MAP4: variants seen among roughly 807,000 people sequenced by gnomAD.
MAP4 encodes microtubule associated protein 4.
A neutral mutation model predicts 170.2 loss-of-function variants in MAP4; 76 were observed. The ratio of observed to expected loss-of-function variants is 0.45; its 90% CI spans 0.37 to 0.54. The LOEUF (loss-of-function observed/expected upper bound fraction) is 0.54. Among genes scored for constraint, MAP4 ranks in the 20% least tolerant of loss-of-function variants. The pLI, the probability that MAP4 is intolerant of heterozygous loss-of-function variation, is 0.00. For synonymous variants in MAP4, 909 were observed against 994.5 expected, an observed-to-expected ratio of 0.91 and a Z score of 1.62; for missense variants, 2,506 against 2,748.0, an observed-to-expected ratio of 0.91 and a Z score of 1.97.
chr3:47,940,963 T>C (rs1315304094), intron 3 of MAP4, among the ~76,000 whole-genome samples: 1 of 151,912 alleles, frequency 6.6e-6, no homozygotes, highest in Non-Finnish European at 1.5e-5. Context: ...CTGTAACCTC[T>C]ACCTCCCGGG....
chr3:47,892,967 C>A (rs949526504), intron 10 of MAP4: 2 of 776,310 alleles, frequency 2.6e-6, no homozygotes, highest in Non-Finnish European at 3.1e-6. Context: ...GACTCATTTG[C>A]CAATCCCCAG....
intron 9 of MAP4, among the ~76,000 whole-genome samples, chr3:47,907,456 T>C (rs1043813148): frequency 6.6e-6 from 1 of 152,124 alleles, no homozygotes; most frequent in Non-Finnish European, 1.5e-5. Context: ...ACATTGTCCT[T>C]AGGGGAAAGG....
At chr3:47,977,356 C>A (rs1218874230) in intron 3 of MAP4, among the ~76,000 whole-genome samples, 1 of 152,036 alleles carries the variant, frequency 6.6e-6, no homozygotes, top group Non-Finnish European at 1.5e-5. Flanking sequence ...ATATCAAAAC[C>A]CTAGTAAAGA....
chr3:48,041,698 G>A (rs1045214670), intron 1 of MAP4, among the ~76,000 whole-genome samples: 2 of 152,090 alleles, frequency 1.3e-5, no homozygotes, highest in South Asian at 2.1e-4. Context: ...GATGCGGTGC[G>A]ACCCTGTGTC....
chr3:47,955,838 C>T (rs908419670), intron 3 of MAP4, among the ~76,000 whole-genome samples: 2 of 152,090 alleles, frequency 1.3e-5, no homozygotes, highest in African/African-American at 4.8e-5. Flanking sequence ...AGCTGCTCTG[C>T]CATTTGGGCC....
chr3:47,897,368 C>G (rs1000585475), intron 10 of MAP4, among the ~76,000 whole-genome samples: 1 of 152,148 alleles, frequency 6.6e-6, no homozygotes, highest in African/African-American at 2.4e-5. Context: ...CTCAGGTGAT[C>G]TGCCCAACTC....
intron 10 of MAP4, among the ~76,000 whole-genome samples, chr3:47,887,509 C>T (rs2097796673): frequency 1.3e-5 from 2 of 152,228 alleles, no homozygotes; most frequent in Admixed American, 6.5e-5. Context: ...GGCTCCTGTG[C>T]CGCCCGAGCC....
chr3:47,915,047 A>G, intron 7 of MAP4, 108 bp from the exon 8 acceptor site: 2 of 1,337,402 alleles, frequency 1.5e-6, no homozygotes, highest in Non-Finnish European at 2.1e-6. Context: ...GTTCTCCTAC[A>G]AGGGGCAGCA....
At chr3:48,000,535 G>C (rs2100098567) in intron 1 of MAP4, among the ~76,000 whole-genome samples, 1 of 152,136 alleles carries the variant, frequency 6.6e-6, no homozygotes, top group Admixed American at 6.5e-5. Context: ...GACATGACTA[G>C]AGTTGGGTCA....
intron 10 of MAP4, among the ~76,000 whole-genome samples, chr3:47,889,503 G>A (rs2098216869): frequency 6.6e-6 from 1 of 152,216 alleles, no homozygotes; most frequent in African/African-American, 2.4e-5. Context: ...CAAATGGTAG[G>A]CATGTTAAAT....
chr3:47,947,126 T>C (rs575551287), intron 3 of MAP4, among the ~76,000 whole-genome samples: 16 of 152,354 alleles, frequency 1.1e-4, no homozygotes, highest in African/African-American at 3.4e-4. Flanking sequence ...ATCCTCCTTA[T>C]AGAAGATTAT....
At chr3:47,975,689 C>T (rs981569787) in intron 3 of MAP4, among the ~76,000 whole-genome samples, 2 of 152,028 alleles carry the variant, frequency 1.3e-5, no homozygotes, top group African/African-American at 4.8e-5. Flanking sequence ...GTAGTGATGG[C>T]CAAATTAGAA....
chr3:48,047,183 T>G (rs1329644894), intron 1 of MAP4, among the ~76,000 whole-genome samples: 1 of 152,088 alleles, frequency 6.6e-6, no homozygotes, highest in Admixed American at 6.6e-5. Context: ...TGGCAAGTGT[T>G]CAGTAAATTA....
chr3:47,886,805 C>T (rs938199763), intron 10 of MAP4, among the ~76,000 whole-genome samples: 1 of 152,246 alleles, frequency 6.6e-6, no homozygotes, highest in Non-Finnish European at 1.5e-5. Flanking sequence ...CTTCCAAATT[C>T]CAGTTTCACT....
chr3:47,929,032 T>C (rs757093958), intron 3 of MAP4, among the ~76,000 whole-genome samples: 1 of 152,186 alleles, frequency 6.6e-6, no homozygotes, highest in Non-Finnish European at 1.5e-5. Context: ...AGGGCTTACA[T>C]AACCTGATTT....
chr3:47,954,149 C>A (rs2100066311), intron 3 of MAP4, among the ~76,000 whole-genome samples: 1 of 152,146 alleles, frequency 6.6e-6, no homozygotes, highest in Non-Finnish European at 1.5e-5. Flanking sequence ...GGTTGGCAAA[C>A]TTTATTTATA....
intron 3 of MAP4, among the ~76,000 whole-genome samples, chr3:47,940,122 G>C (rs953728131): frequency 6.6e-6 from 1 of 152,202 alleles, no homozygotes; most frequent in East Asian, 1.9e-4. Context: ...ATAGGTGTGA[G>C]CCACCACACC....
At chr3:47,857,377 C>T (rs2058261069) in intron 18 of MAP4, 54 bp downstream of exon 18, 1 of 1,470,210 alleles carries the variant, frequency 6.8e-7, no homozygotes, top group East Asian at 2.3e-5. Flanking sequence ...CCAGCTGACC[C>T]ATGGCAGGAC....
intron 2 of MAP4, among the ~76,000 whole-genome samples, chr3:47,982,746 T>C (rs1296950912): frequency 3.9e-5 from 6 of 152,098 alleles, no homozygotes; most frequent in Non-Finnish European, 8.8e-5. Context: ...CAAGTTAAAA[T>C]TCATACGATT....
Sources: gnomAD v4.1 joint callset for allele counts (sites outside exome capture counted in the v4.1 genomes callset) on GRCh38, gnomAD v4.1.1 for gene constraint, MANE v1.5 for transcripts, NCBI Gene and HGNC (gene_info 2026-07-23, HGNC 2026-07-21) for gene names.